Variants in JAK2 observed in about 807,000 individuals in gnomAD.
The protein encoded by JAK2 is tyrosine-protein kinase JAK2.
Under a neutral mutation model 139.3 loss-of-function variants are expected in JAK2, and 86 were observed. That is an observed-to-expected ratio of 0.62 (90% CI 0.52 to 0.74). The LOEUF (loss-of-function observed/expected upper bound fraction) is 0.74, where lower values mean the gene tolerates loss of function less well. JAK2 is among the 30% of genes least tolerant of loss of function. JAK2 has a pLI of 0.00. For missense variants in JAK2, 1,421 were observed against 1,360.3 expected, an observed-to-expected ratio of 1.04 and a Z score of -0.70; for synonymous variants, 490 against 437.7, an observed-to-expected ratio of 1.12 and a Z score of -1.49.
intron 22 of JAK2, among the ~76,000 whole-genome samples, chr9:5,095,416 G>C (rs945112228): frequency 6.6e-6 from 1 of 152,062 alleles, no homozygotes; most frequent in Non-Finnish European, 1.5e-5. Context: ...TCTTACACAA[G>C]CAACTGCATC....
intron 15 of JAK2, 50 bp from the exon 16 acceptor site, chr9:5,078,256 C>A (rs751532002): frequency 7.4e-6 from 11 of 1,485,928 alleles, no homozygotes; most frequent in South Asian, 2.4e-5. Flanking sequence ...ACTAAATGCT[C>A]CAGTACTTGT....
chr9:5,109,514 A>G (rs901193624), intron 22 of JAK2: 2 of 152,188 alleles, frequency 1.3e-5, no homozygotes, highest in African/African-American at 4.8e-5. Flanking sequence ...TTTTTCCACT[A>G]CTATAATAGC....
At chr9:5,048,327 G>C (rs1037616758) in intron 5 of JAK2, among the ~76,000 whole-genome samples, 1 of 152,014 alleles carries the variant, frequency 6.6e-6, no homozygotes, top group Non-Finnish European at 1.5e-5. Context: ...ATTTTTAGTA[G>C]AGATGGGGTT....
intron 2 of JAK2, among the ~76,000 whole-genome samples, chr9:5,007,000 T>C (rs1318028760): frequency 6.6e-6 from 1 of 152,212 alleles, no homozygotes; most frequent in Admixed American, 6.5e-5. Flanking sequence ...CCGATATTGA[T>C]AATTTATGTT....
intron 22 of JAK2, among the ~76,000 whole-genome samples, chr9:5,107,325 C>G (rs893843388): frequency 3.9e-5 from 6 of 151,998 alleles, no homozygotes; most frequent in African/African-American, 1.5e-4. Context: ...TAGATAAATC[C>G]AGCCCCTATG....
intron 2 of JAK2, among the ~76,000 whole-genome samples, chr9:5,006,517 T>C (rs185557108): frequency 6.6e-6 from 1 of 152,304 alleles, no homozygotes; most frequent in East Asian, 1.9e-4. Context: ...GAAAAGTTGT[T>C]TAATTGACTC....
intron 22 of JAK2, among the ~76,000 whole-genome samples, chr9:5,096,094 T>C (rs1272274031): frequency 6.6e-6 from 1 of 152,190 alleles, no homozygotes; most frequent in African/African-American, 2.4e-5. Context: ...ACTCAACCTG[T>C]AGTTTTATAT....
intron 16 of JAK2, among the ~76,000 whole-genome samples, chr9:5,079,050 G>A (rs576879260): frequency 6.6e-5 from 10 of 152,190 alleles, no homozygotes; most frequent in African/African-American, 2.4e-4. Flanking sequence ...ATTCTAAATT[G>A]ATCAATTTTT....
chr9:5,063,978 A>C (rs1818379397), intron 8 of JAK2, among the ~76,000 whole-genome samples: 1 of 152,168 alleles, frequency 6.6e-6, no homozygotes, highest in African/African-American at 2.4e-5. Flanking sequence ...CAACATGTTG[A>C]AACTCTGTCT....
At chr9:4,998,061 G>T (rs1563914979) in intron 2 of JAK2, among the ~76,000 whole-genome samples, 1 of 152,064 alleles carries the variant, frequency 6.6e-6, no homozygotes, top group African/African-American at 2.4e-5. Context: ...ACAACTTCTA[G>T]ATTTTTTTGA....
intron 8 of JAK2, among the ~76,000 whole-genome samples, chr9:5,062,411 C>T (rs1161239698): frequency 7.1e-6 from 1 of 140,568 alleles, no homozygotes. Context: ...CAAAACATGA[C>T]ACATAGGAAG....
intron 22 of JAK2, chr9:5,112,244 G>A (rs931801586): frequency 1.5e-5 from 4 of 259,330 alleles, no homozygotes; most frequent in African/African-American, 6.9e-5. Flanking sequence ...GGTTGGAGGC[G>A]AACACCCTGA....
At chr9:5,075,359 AGAG>A (rs1226420479) in intron 14 of JAK2, among the ~76,000 whole-genome samples, 1 of 152,216 alleles carries the variant, frequency 6.6e-6, no homozygotes, top group Non-Finnish European at 1.5e-5. Flanking sequence ...CCACAGCTAG[AGAG>A]GAGAAGTCAG....
intron 2 of JAK2, among the ~76,000 whole-genome samples, chr9:5,011,516 C>T (rs1186856158): frequency 5.9e-5 from 9 of 152,190 alleles, no homozygotes; most frequent in Admixed American, 5.9e-4. Flanking sequence ...GTAGAGTTTA[C>T]ATATGGCTTC....
At chr9:5,102,212 G>T (rs1331246908) in intron 22 of JAK2, among the ~76,000 whole-genome samples, 1 of 152,168 alleles carries the variant, frequency 6.6e-6, no homozygotes, top group Non-Finnish European at 1.5e-5. Context: ...TGATGGAGCT[G>T]AAAACCATGG....
chr9:4,994,538 A>G (rs765591542), intron 2 of JAK2, among the ~76,000 whole-genome samples: 2 of 152,212 alleles, frequency 1.3e-5, no homozygotes, highest in Non-Finnish European at 2.9e-5. Flanking sequence ...AGATTTTTCT[A>G]TTAAGGATCA....
intron 2 of JAK2, among the ~76,000 whole-genome samples, chr9:4,991,073 G>A (rs1440903032): frequency 6.6e-6 from 1 of 152,150 alleles, no homozygotes; most frequent in East Asian, 1.9e-4. Flanking sequence ...GGGTGCTTTT[G>A]TGCTGGTAAA....
chr9:5,052,460 AG>A (rs1817483476), intron 6 of JAK2, among the ~76,000 whole-genome samples: 1 of 151,708 alleles, frequency 6.6e-6, no homozygotes, highest in African/African-American at 2.4e-5. Flanking sequence ...CATTCATATA[AG>A]ATTCCATGAT....
chr9:5,086,723 A>ATAAC (rs1820145180), intron 19 of JAK2, among the ~76,000 whole-genome samples: 1 of 152,174 alleles, frequency 6.6e-6, no homozygotes, highest in African/African-American at 2.4e-5. Context: ...CTGTCTGACT[A>ATAAC]TAACTTTATA....
Sources: allele counts gnomAD v4.1 joint callset (sites outside exome capture counted in the v4.1 genomes callset), GRCh38; gene constraint gnomAD v4.1.1; transcripts MANE v1.5; gene names NCBI Gene and HGNC (gene_info 2026-07-23, HGNC 2026-07-21).